The following DPYD variants were observed in gnomAD, a reference collection of about 807,000 sequenced individuals.
DPYD encodes the protein dihydropyrimidine dehydrogenase.
In DPYD, 109 loss-of-function variants were observed where a neutral mutation model predicts 116.2. The observed-to-expected ratio is 0.94, with a 90% CI of 0.80 to 1.10. DPYD has a LOEUF of 1.10. DPYD is among the 50% of genes least tolerant of loss of function. The pLI, the probability that DPYD is intolerant of heterozygous loss-of-function variation, is 0.00. For missense variants in DPYD, 1,302 were observed against 1,254.5 expected (o/e 1.04, Z -0.57); for synonymous variants, 440 against 432.0 (o/e 1.02, Z -0.23).
chr1:97,841,052 A>G (rs1378072480), intron 2 of DPYD, among the ~76,000 whole-genome samples: 1 of 152,084 alleles, frequency 6.6e-6, no homozygotes, highest in East Asian at 1.9e-4. Context: ...TAACACAGAC[A>G]TTTGCACATT....
chr1:97,357,380 T>G (rs1287351090), intron 16 of DPYD, among the ~76,000 whole-genome samples: 1 of 152,000 alleles, frequency 6.6e-6, no homozygotes, highest in East Asian at 1.9e-4. Context: ...TTTTTTTTTT[T>G]GGTGGAATCC....
chr1:97,490,576 G>A (rs1456108442), intron 13 of DPYD, among the ~76,000 whole-genome samples: 1 of 149,132 alleles, frequency 6.7e-6, no homozygotes, highest in Non-Finnish European at 1.5e-5. Context: ...TGCATCTCAG[G>A]GAATGTTGGA....
intron 20 of DPYD, among the ~76,000 whole-genome samples, chr1:97,147,369 C>T (rs562668158): frequency 5.9e-5 from 9 of 151,914 alleles, no homozygotes; most frequent in East Asian, 1.9e-4. Flanking sequence ...AACAAACAAA[C>T]GAACAAACAA....
chr1:97,110,882 C>A (rs1488099461), intron 20 of DPYD, among the ~76,000 whole-genome samples: 5 of 151,968 alleles, frequency 3.3e-5, no homozygotes, highest in African/African-American at 1.2e-4. Context: ...AAAACACTAT[C>A]CTATGGCTGG....
chr1:97,863,808 G>C (rs943130893), intron 2 of DPYD, among the ~76,000 whole-genome samples: 2 of 151,886 alleles, frequency 1.3e-5, no homozygotes, highest in Non-Finnish European at 2.9e-5. Flanking sequence ...ATGTAACACA[G>C]TAATATAGAT....
At chr1:97,526,886 T>C (rs973537079) in intron 12 of DPYD, among the ~76,000 whole-genome samples, 2 of 152,206 alleles carry the variant, frequency 1.3e-5, no homozygotes, top group African/African-American at 4.8e-5. Flanking sequence ...TTGCAAGTAA[T>C]ATTTATACCA....
At chr1:97,419,693 A>T (rs10875085) in intron 14 of DPYD, among the ~76,000 whole-genome samples, 29,666 of 152,114 alleles carry the variant, frequency 0.2, 3,133 homozygotes, top group East Asian at 0.39. Context: ...GATAATATTA[A>T]GCATACAGTT....
At chr1:97,433,430 A>T (rs553693292) in intron 14 of DPYD, among the ~76,000 whole-genome samples, 1 of 152,020 alleles carries the variant, frequency 6.6e-6, no homozygotes, top group Admixed American at 6.5e-5. Flanking sequence ...TCCTTTCACC[A>T]TTTCTCCAGG....
At chr1:97,291,802 C>T (rs564004996) in intron 18 of DPYD, among the ~76,000 whole-genome samples, 3 of 152,110 alleles carry the variant, frequency 2.0e-5, no homozygotes, top group Admixed American at 6.6e-5. Flanking sequence ...CTAAACTGCA[C>T]ATTGTGCACA....
intron 20 of DPYD, among the ~76,000 whole-genome samples, chr1:97,120,422 T>G (rs891275332): frequency 6.6e-6 from 1 of 152,142 alleles, no homozygotes; most frequent in Admixed American, 6.6e-5. Context: ...AAAGGGTGTC[T>G]GAAATGGACA....
Position 97,082,443 on chromosome 1 carries a change from G to C in DPYD, c.2794C>G (p.Leu932Val). Residue 932 changes from leucine (L) to valine (V), a missense_variant, in exon 22 of 23, where the codon CTT becomes GTT. Coordinates refer to ENST00000370192, the MANE Select transcript of DPYD (RefSeq NM_000110.4). The part of the protein sequence containing the change: ...KDVIGKALQY[L>V]GTFGELSNVE... ...TTGCTCAATTCACCAAATGTTCCAA[G>C]GTACTGCAGTGCTTTTCCTATTACA... is the stretch of plus-strand genomic sequence containing the variant. 6.2e-7 allele frequency: 1 copy of C among 1,613,446 alleles called. No homozygotes were observed. The highest frequency in any genetic ancestry group is 8.5e-7 in the Non-Finnish European group (1 of 1,179,600).
At chr1:97,569,223 A>G (rs1652731502) in intron 11 of DPYD, among the ~76,000 whole-genome samples, 1 of 151,872 alleles carries the variant, frequency 6.6e-6, no homozygotes, top group South Asian at 2.1e-4. Context: ...CCCACTTAAC[A>G]ACTGCCAGTT....
intron 14 of DPYD, among the ~76,000 whole-genome samples, chr1:97,435,934 A>G (rs1675446750): frequency 1.3e-5 from 2 of 152,006 alleles, no homozygotes; most frequent in Admixed American, 1.3e-4. Flanking sequence ...GAGCTAATGA[A>G]ACACATATAC....
At chr1:97,247,555 C>A (rs1662800015) in intron 18 of DPYD, among the ~76,000 whole-genome samples, 1 of 152,106 alleles carries the variant, frequency 6.6e-6, no homozygotes, top group Non-Finnish European at 1.5e-5. Context: ...ATTTGTATAG[C>A]CACTGAGTAG....
At chr1:97,228,003 A>T (rs1188398845) in intron 19 of DPYD, among the ~76,000 whole-genome samples, 1 of 151,882 alleles carries the variant, frequency 6.6e-6, no homozygotes, top group Non-Finnish European at 1.5e-5. Context: ...TAATAAAAAT[A>T]TTATCTTTAC....
chr1:97,258,801 C>G lies in DPYD; in HGVS notation c.2300-23807G>C, dbSNP rs573774422. ...ATATGATGGTGGTGTTGCATAAGGA[C>G]CAGAAGGACAAGAAAGTGAAAGTGA... On this transcript the variant is annotated intron_variant, in intron 18 of 22. Coordinates refer to ENST00000370192, the MANE Select transcript of DPYD (RefSeq NM_000110.4). Among the ~76,000 whole-genome samples, 2 of 152,080 alleles carry G rather than the reference C, an allele frequency of 1.3e-5. 1 individual carries two copies. Among genetic ancestry groups the G allele is most frequent in the South Asian group, 4.2e-4 (2 of 4,816 alleles).
intron 12 of DPYD, among the ~76,000 whole-genome samples, chr1:97,527,304 C>T (rs1570903040): frequency 6.6e-6 from 1 of 152,050 alleles, no homozygotes; most frequent in Admixed American, 6.6e-5. Context: ...GTCTTGATTT[C>T]CTGACCTCGT....
chr1:97,361,930 C>A (rs913853516), intron 16 of DPYD, among the ~76,000 whole-genome samples: 2 of 152,200 alleles, frequency 1.3e-5, no homozygotes, highest in Non-Finnish European at 2.9e-5. Context: ...TCCTATTACA[C>A]ATAGTGTTGG....
At chr1:97,891,278 C>G (rs1337908772) in intron 1 of DPYD, among the ~76,000 whole-genome samples, 4 of 151,886 alleles carry the variant, frequency 2.6e-5, no homozygotes, top group South Asian at 2.1e-4. Flanking sequence ...GAATTGAGCA[C>G]TTTAAGAAGC....
Sources: allele counts gnomAD v4.1 joint callset (sites outside exome capture counted in the v4.1 genomes callset), GRCh38; gene constraint gnomAD v4.1.1; transcripts MANE v1.5; gene names NCBI Gene and HGNC (gene_info 2026-07-23, HGNC 2026-07-21).